DMXL2: variants seen among roughly 807,000 people sequenced by gnomAD.
DMXL2 encodes the protein Dmx like 2.
Under a neutral mutation model 331.1 loss-of-function variants are expected in DMXL2, and 103 were observed. The ratio of observed to expected loss-of-function variants is 0.31; its 90% CI spans 0.27 to 0.37. The LOEUF (loss-of-function observed/expected upper bound fraction) is 0.37, where lower values mean the gene tolerates loss of function less well. Among genes scored for constraint, DMXL2 ranks in the 10% least tolerant of loss-of-function variants. The pLI is 1.00. For missense variants in DMXL2, 3,171 were observed against 3,642.9 expected, an observed-to-expected ratio of 0.87 and a Z score of 3.33; for synonymous variants, 1,281 against 1,252.1, an observed-to-expected ratio of 1.02 and a Z score of -0.49.
intron 9 of DMXL2, 71 bp from the exon 10 acceptor site, chr15:51,538,523 ACTAAT>A: frequency 3.3e-6 from 4 of 1,228,552 alleles, no homozygotes; most frequent in Non-Finnish European, 4.5e-6. Context: ...GCTTACAATG[ACTAAT>A]CTATATAAAG....
Position 51,545,723 on chromosome 15 carries a change from C to T in DMXL2, c.790G>A (p.Val264Met), listed in dbSNP as rs1219911643. 6 of 1,613,452 alleles carry T rather than the reference C, an allele frequency of 3.7e-6. No homozygotes were observed. The African/African-American group carries it at 5.3e-5, about 14-fold the overall frequency. The change falls in exon 8 of 44, where the codon GTG (valine) becomes ATG (methionine). Residue 264 changes from valine (V) to methionine (M), a missense_variant. Transcript: ENST00000560891. ...AAAGTTTCTGCCCAGAGCCGGCACA[C>T]ACCATCATGACATGAAGTTAACAAC... Reference protein sequence around the residue: ...NVLLTSCHDGVCRLWAETLLP... With the variant: ...NVLLTSCHDGMCRLWAETLLP...
chr15:51,542,213 C>A (rs1358097487), intron 9 of DMXL2, 120 bp downstream of exon 9: 24 of 951,600 alleles, frequency 2.5e-5, no homozygotes, highest in Non-Finnish European at 1.9e-5. Flanking sequence ...ATCTCTACTC[C>A]AATTAAGTAT....
At chr15:51,610,464 A>G in intron 1 of DMXL2, among the ~76,000 whole-genome samples, 1 of 152,300 alleles carries the variant, frequency 6.6e-6, no homozygotes, top group East Asian at 1.9e-4. Flanking sequence ...ATTTTCTTTA[A>G]GCACATATGA....
chr15:51,581,274 T>C (rs890670556), intron 1 of DMXL2, among the ~76,000 whole-genome samples: 2 of 152,206 alleles, frequency 1.3e-5, no homozygotes, highest in Non-Finnish European at 2.9e-5. Flanking sequence ...GAGAATCTAA[T>C]GATAAACATA....
At chr15:51,520,598 T>A (rs2140719492) in intron 13 of DMXL2, among the ~76,000 whole-genome samples, 1 of 152,198 alleles carries the variant, frequency 6.6e-6, no homozygotes, top group South Asian at 2.1e-4. Flanking sequence ...GGCTCACACC[T>A]CTAATCCCAG....
chr15:51,453,469 T>C (rs969195934), intron 41 of DMXL2, 81 bp downstream of exon 41: 1 of 1,034,050 alleles, frequency 9.7e-7, no homozygotes, highest in Non-Finnish European at 1.4e-6. Flanking sequence ...GGAAAAACCC[T>C]ACTAATAGAA....
At chr15:51,536,899 T>C (rs371135052) in intron 11 of DMXL2, 37 bp from the exon 12 acceptor site, 2 of 1,483,404 alleles carry the variant, frequency 1.3e-6, no homozygotes, top group African/African-American at 1.4e-5. Flanking sequence ...TGCAAATAGT[T>C]TACCTCCTCT....
chr15:51,572,371 T>G (rs1309221511), intron 2 of DMXL2, among the ~76,000 whole-genome samples: 1 of 152,016 alleles, frequency 6.6e-6, no homozygotes, highest in Admixed American at 6.6e-5. Context: ...AAGGAGCTGG[T>G]ACCATTCCTT....
chr15:51,459,760 A>T, intron 33 of DMXL2, 100 bp from the exon 34 acceptor site: 3 of 1,220,664 alleles, frequency 2.5e-6, no homozygotes, highest in Non-Finnish European at 3.2e-6. Flanking sequence ...TCCACCACTT[A>T]AAGATGATAA....
At chr15:51,503,096 A>C in intron 16 of DMXL2, 63 bp from the exon 17 acceptor site, 1 of 1,084,378 alleles carries the variant, frequency 9.2e-7, no homozygotes, top group Non-Finnish European at 1.3e-6. Context: ...TAGGAGCTAG[A>C]ATATTACTTT....
At chr15:51,497,046 CCTA>C (rs1390839549) in intron 18 of DMXL2, among the ~76,000 whole-genome samples, 1 of 152,128 alleles carries the variant, frequency 6.6e-6, no homozygotes, top group Non-Finnish European at 1.5e-5. Flanking sequence ...TCATGCCATG[CCTA>C]CTTTCTTAAT....
At chr15:51,475,467 C>T (rs1222821545) in intron 27 of DMXL2, among the ~76,000 whole-genome samples, 1 of 151,968 alleles carries the variant, frequency 6.6e-6, no homozygotes, top group Non-Finnish European at 1.5e-5. Flanking sequence ...GCACTCCAGC[C>T]TGGGCGACAG....
intron 1 of DMXL2, among the ~76,000 whole-genome samples, chr15:51,577,699 A>T (rs893497475): frequency 3.3e-5 from 5 of 152,180 alleles, no homozygotes; most frequent in African/African-American, 1.2e-4. Flanking sequence ...CAATTTCAAA[A>T]TTTCCAACGT....
Position 51,622,669 on chromosome 15 carries a change from G to T in DMXL2, c.-124C>A. On this transcript the variant is annotated 5_prime_UTR_variant, in exon 1 of 44. Transcript: ENST00000560891. ...CGGAAACCCGCCCCGCGGAGGCTCT[G>T]GCTTAACTCCTCGCCCCCCTTTCGC... 1 of 1,433,392 alleles carries T rather than the reference G, an allele frequency of 7.0e-7. No individual in the cohort carries two copies. The highest frequency in any genetic ancestry group is 1.5e-5 in the South Asian group (1 of 68,378). The allele number at this position is 1,433,392 out of a possible 1,614,324, so 88.8% of individuals were successfully genotyped here.
intron 2 of DMXL2, among the ~76,000 whole-genome samples, chr15:51,572,749 A>G (rs1373984452): frequency 6.6e-6 from 1 of 152,238 alleles, no homozygotes; most frequent in Non-Finnish European, 1.5e-5. Flanking sequence ...TTCATGCTAA[A>G]AACTCTCAAT....
rs761749235 is a variant in DMXL2 at position 51,480,912 on chromosome 15, T to A, written c.6194A>T (p.Asp2065Val). The change falls in exon 24 of 44, where the codon GAT (aspartate) becomes GTT (valine). Residue 2065 changes from aspartate (D) to valine (V), a missense_variant. By Grantham distance (152) the Asp-to-Val change is radical. Transcript: ENST00000560891. ...LRTLATGYEV[D>V]GGKLRFQLYN... ...GAGTTGAAATCTGAGTTTTCCTCCA[T>A]CTACTTCATAACCTGTAGCCAATGT... 1.2e-6 allele frequency: 2 copies of A among 1,612,552 alleles called. No homozygotes were observed. Among genetic ancestry groups the A allele is most frequent in the African/African-American group, 2.7e-5 (2 of 74,890 alleles).
intron 31 of DMXL2, 65 bp from the exon 32 acceptor site, chr15:51,464,941 T>C (rs1595906584): frequency 2.2e-6 from 3 of 1,352,988 alleles, no homozygotes; most frequent in Non-Finnish European, 1.0e-6. Context: ...CAAATATTTA[T>C]AGAATCTGAA....
intron 13 of DMXL2, among the ~76,000 whole-genome samples, chr15:51,530,918 T>C (rs533633857): frequency 6.6e-6 from 1 of 152,204 alleles, no homozygotes; most frequent in Non-Finnish European, 1.5e-5. Flanking sequence ...TCCATGCTCA[T>C]GGATTGGAAG....
At chr15:51,541,745 T>C (rs559611649) in intron 9 of DMXL2, among the ~76,000 whole-genome samples, 1 of 152,172 alleles carries the variant, frequency 6.6e-6, no homozygotes, top group African/African-American at 2.4e-5. Flanking sequence ...TACATTTCCA[T>C]GTAGAAGGAA....
Sources: gnomAD v4.1 joint callset for allele counts (sites outside exome capture counted in the v4.1 genomes callset) on GRCh38, gnomAD v4.1.1 for gene constraint, MANE v1.5 for transcripts, NCBI Gene and HGNC (gene_info 2026-07-23, HGNC 2026-07-21) for gene names.